ZNF420: variants seen among roughly 807,000 people sequenced by gnomAD.
The protein encoded by ZNF420 is zinc finger protein 420.
ZNF420 carries 31 observed loss-of-function variants against 44.7 expected under a neutral mutation model. The ratio of observed to expected loss-of-function variants is 0.69; its 90% CI spans 0.52 to 0.94. ZNF420 has a LOEUF of 0.94. Among genes scored for constraint, ZNF420 ranks in the 40% least tolerant of loss-of-function variants. The probability of loss-of-function intolerance (pLI) is 0.00; values close to 1 mark genes in which losing one functional copy is unlikely to be tolerated. For synonymous variants in ZNF420, 245 were observed against 267.4 expected (o/e 0.92, Z 0.82); for missense variants, 681 against 827.9 (o/e 0.82, Z 2.18).
chr19:37,113,425 CT>C (rs1970488873), intron 4 of ZNF420, among the ~76,000 whole-genome samples: 1 of 152,194 alleles, frequency 6.6e-6, no homozygotes. Context: ...CCATCACAGG[CT>C]TTTACGTACT....
At chr19:37,059,379 G>C (rs567954702) in intron 1 of ZNF420, among the ~76,000 whole-genome samples, 44 of 152,348 alleles carry the variant, frequency 2.9e-4, no homozygotes, top group Admixed American at 2.0e-3. Context: ...GCGCATGCGC[G>C]AGGCGCGAGC....
At chr19:37,123,385 AT>A (rs1327656342) in intron 4 of ZNF420, among the ~76,000 whole-genome samples, 3 of 152,070 alleles carry the variant, frequency 2.0e-5, no homozygotes, top group Non-Finnish European at 4.4e-5. Flanking sequence ...ATAGGTTCCA[AT>A]TTTGTAAAAT....
intron 4 of ZNF420, among the ~76,000 whole-genome samples, chr19:37,125,704 A>G (rs770633977): frequency 2.0e-5 from 3 of 152,246 alleles, no homozygotes; most frequent in Non-Finnish European, 2.9e-5. Context: ...AAGAAAAGTT[A>G]TAAGGTTTCA....
intron 4 of ZNF420, among the ~76,000 whole-genome samples, chr19:37,115,650 A>G (rs1970633148): frequency 1.3e-5 from 2 of 151,784 alleles, no homozygotes; most frequent in African/African-American, 2.4e-5. Flanking sequence ...GAGACATTCT[A>G]TTGCCCAGGG....
intron 4 of ZNF420, among the ~76,000 whole-genome samples, chr19:37,096,731 C>T (rs1173962628): frequency 6.6e-6 from 1 of 152,174 alleles, no homozygotes; most frequent in Non-Finnish European, 1.5e-5. Flanking sequence ...TTTTATGCTT[C>T]ACATACTTTT....
chr19:37,106,071 G>A (rs1970065174), intron 4 of ZNF420, among the ~76,000 whole-genome samples: 1 of 152,152 alleles, frequency 6.6e-6, no homozygotes, highest in African/African-American at 2.4e-5. Flanking sequence ...ACACTATGTT[G>A]AATAGGAGTG....
At chr19:37,060,378 G>A (rs1260742611) in intron 1 of ZNF420, among the ~76,000 whole-genome samples, 2 of 149,828 alleles carry the variant, frequency 1.3e-5, no homozygotes, top group Non-Finnish European at 3.0e-5. Context: ...CTTTGGACAA[G>A]TCACCCGTTT....
chr19:37,060,912 G>A (rs1008065864), intron 1 of ZNF420, among the ~76,000 whole-genome samples: 1 of 152,112 alleles, frequency 6.6e-6, no homozygotes, highest in Non-Finnish European at 1.5e-5. Context: ...TGGGTGCAGG[G>A]GAGGTTGCGT....
intron 4 of ZNF420, among the ~76,000 whole-genome samples, chr19:37,106,376 T>C (rs1344952784): frequency 6.6e-6 from 1 of 152,218 alleles, no homozygotes; most frequent in East Asian, 1.9e-4. Context: ...CACTTGATCA[T>C]GGGTAGATAA....
intron 1 of ZNF420, among the ~76,000 whole-genome samples, chr19:37,062,727 T>C (rs1967899685): frequency 1.3e-5 from 2 of 152,224 alleles, no homozygotes; most frequent in Non-Finnish European, 2.9e-5. Flanking sequence ...AAATACATCA[T>C]TTAAAACTCA....
At chr19:37,079,517 C>T (rs542269201) in intron 1 of ZNF420, among the ~76,000 whole-genome samples, 7 of 152,222 alleles carry the variant, frequency 4.6e-5, no homozygotes, top group South Asian at 2.1e-4. Flanking sequence ...TATCCATCCT[C>T]GGTTCACCTT....
chr19:37,063,174 T>G (rs1460708202), intron 1 of ZNF420, among the ~76,000 whole-genome samples: 2 of 152,156 alleles, frequency 1.3e-5, no homozygotes, highest in Admixed American at 6.5e-5. Flanking sequence ...CTGAACCATT[T>G]GAAAGTAAAT....
intron 4 of ZNF420, among the ~76,000 whole-genome samples, chr19:37,103,410 T>G (rs1403414633): frequency 6.6e-6 from 1 of 152,218 alleles, no homozygotes; most frequent in African/African-American, 2.4e-5. Context: ...CTGTTTATAT[T>G]CTATTCTCTA....
chr19:37,081,700 A>ATT (rs35066350), intron 2 of ZNF420, among the ~76,000 whole-genome samples: 2,138 of 66,892 alleles, frequency 0.032, 228 homozygotes, highest in African/African-American at 0.11. Flanking sequence ...TAATTTTTGT[A>ATT]TTTTTTTTTT....
chr19:37,118,398 C>A (rs1050008011), intron 4 of ZNF420, among the ~76,000 whole-genome samples: 1 of 152,278 alleles, frequency 6.6e-6, no homozygotes, highest in Non-Finnish European at 1.5e-5. Context: ...GAAGTAAAAT[C>A]CTTTACAGAC....
At chr19:37,021,936 C>CAAAAAAAAA (rs60559933) in intron 1 of ZNF420, among the ~76,000 whole-genome samples, 20 of 84,586 alleles carry the variant, frequency 2.4e-4, no homozygotes, top group South Asian at 4.8e-4. Context: ...CAGTCTGTCT[C>CAAAAAAAAA]AAAAAAAAAA....
chr19:37,117,177 C>T lies in ZNF420; in HGVS notation c.137-9951C>T, dbSNP rs552072673. ...CCTCCTCAAGTGGGTCCCTGACCCC[C>T]GAGCAGCCTAACTGGGAGGCACCCC... On this transcript the variant is annotated intron_variant, in intron 4 of 4. Transcript: ENST00000337995. 3.6e-3 allele frequency among the ~76,000 whole-genome samples: 535 copies of T among 150,076 alleles called. 6 individuals carry two copies. The highest frequency in any genetic ancestry group is 0.012 in the African/African-American group (504 of 40,858).
intron 1 of ZNF420, among the ~76,000 whole-genome samples, chr19:37,042,964 G>A (rs768080814): frequency 6.6e-6 from 1 of 151,370 alleles, no homozygotes; most frequent in Non-Finnish European, 1.5e-5. Context: ...GAGAGCCAAG[G>A]AGAGAGAGAG....
chr19:37,032,619 A>G (rs1254105111), intron 1 of ZNF420, among the ~76,000 whole-genome samples: 1 of 152,036 alleles, frequency 6.6e-6, no homozygotes, highest in East Asian at 1.9e-4. Flanking sequence ...AGCCTTACCA[A>G]CAAGGTTAAA....
Sources: gnomAD v4.1 joint callset for allele counts (sites outside exome capture counted in the v4.1 genomes callset) on GRCh38, gnomAD v4.1.1 for gene constraint, MANE v1.5 for transcripts, NCBI Gene and HGNC (gene_info 2026-07-23, HGNC 2026-07-21) for gene names.